FAM81B: variants seen among roughly 807,000 people sequenced by gnomAD.
The protein encoded by FAM81B is family with sequence similarity 81 member B.
FAM81B carries 60 observed loss-of-function variants against 58.7 expected under a neutral mutation model. That is an observed-to-expected ratio of 1.02 (90% CI 0.83 to 1.27). The LOEUF (loss-of-function observed/expected upper bound fraction) is 1.27, where lower values mean the gene tolerates loss of function less well. FAM81B is among the 50% of genes most tolerant of loss of function. The pLI is 0.00. For synonymous variants in FAM81B, 189 were observed against 179.6 expected, an observed-to-expected ratio of 1.05 and a Z score of -0.42; for missense variants, 491 against 522.0, an observed-to-expected ratio of 0.94 and a Z score of 0.58.
At chr5:95,424,024 T>C in intron 5 of FAM81B, 5 of 1,289,302 alleles carry the variant, frequency 3.9e-6, no homozygotes, top group Non-Finnish European at 5.1e-6. Context: ...GATGCAACCG[T>C]GTTCTTTATC....
rs1360582817 is a variant in FAM81B, at chr5:95,425,962, TCAA to T, written c.657-2637_657-2635del. Among the ~76,000 whole-genome samples, 40 of 151,302 alleles carry T rather than the reference TCAA, an allele frequency of 2.6e-4. 1 individual carries two copies. Among genetic ancestry groups the T allele is most frequent in the Admixed American group, 2.6e-3 (40 of 15,190 alleles). On this transcript the variant is annotated intron_variant, in intron 5 of 9. Transcript: ENST00000283357. ...TAGTGAAGAAATACATATCTGAAACTCAACAATTTCTTCATTTCTCACTACATT... is the reference window on the plus strand; with the variant it reads ...TAGTGAAGAAATACATATCTGAAACTCAATTTCTTCATTTCTCACTACATT...
At chr5:95,413,899 G>C (rs762786844) in intron 3 of FAM81B, 48 bp from the exon 4 acceptor site, 10 of 1,556,646 alleles carry the variant, frequency 6.4e-6, no homozygotes, top group Middle Eastern at 3.5e-4. Context: ...GGCTCCTCCA[G>C]CTCATTCTTG....
chr5:95,446,517 TTTAAA>T (rs758184478), intron 7 of FAM81B, 40 bp from the exon 8 acceptor site: 6 of 1,483,962 alleles, frequency 4.0e-6, no homozygotes, highest in Non-Finnish European at 3.6e-6. Context: ...ATTTTTTATG[TTTAAA>T]TTAACTTATT....
At chr5:95,426,956 G>A (rs933650919) in intron 5 of FAM81B, among the ~76,000 whole-genome samples, 1 of 152,200 alleles carries the variant, frequency 6.6e-6, no homozygotes, top group Non-Finnish European at 1.5e-5. Flanking sequence ...GGGTGAGGCA[G>A]GAGAATGGCG....
intron 5 of FAM81B, among the ~76,000 whole-genome samples, chr5:95,425,682 T>G (rs1249769659): frequency 6.6e-6 from 1 of 152,142 alleles, no homozygotes; most frequent in Non-Finnish European, 1.5e-5. Context: ...ACATATAAAG[T>G]GAACATTAAA....
intron 5 of FAM81B, among the ~76,000 whole-genome samples, chr5:95,424,908 G>A (rs1423362018): frequency 1.3e-5 from 2 of 152,050 alleles, no homozygotes; most frequent in African/African-American, 4.8e-5. Context: ...GAGATAGATA[G>A]ACTGGAATTG....
chr5:95,428,753 C>G, intron 6 of FAM81B, 21 bp downstream of exon 6: 1 of 1,613,426 alleles, frequency 6.2e-7, no homozygotes, highest in South Asian at 1.1e-5. Flanking sequence ...ATAGATGGGA[C>G]TCATATTACG....
intron 5 of FAM81B, among the ~76,000 whole-genome samples, chr5:95,425,762 AT>A (rs941312709): frequency 4.0e-4 from 60 of 151,768 alleles, no homozygotes; most frequent in African/African-American, 1.1e-3. Flanking sequence ...AAATTAGCAA[AT>A]TTTTTTTTAA....
rs1183831154 is a variant in FAM81B at position 95,448,258 on chromosome 5, C to A, written c.1030-11C>A. Reference sequence around the variant, plus strand: ...CATTTCTGAAGTTTTATCCCATAATCTCTTTTACAGGAAAAGTCTGAAAAT... The same window carrying A: ...CATTTCTGAAGTTTTATCCCATAATATCTTTTACAGGAAAAGTCTGAAAAT... On this transcript the variant is annotated splice_polypyrimidine_tract_variant and intron_variant, in intron 8 of 9. Transcript: ENST00000283357. 1 of 1,591,154 alleles carries A rather than the reference C, an allele frequency of 6.3e-7. No individual in the cohort carries two copies. Among genetic ancestry groups the A allele is most frequent in the South Asian group, 1.2e-5 (1 of 85,310 alleles).
chr5:95,434,342 C>T (rs771098062), intron 6 of FAM81B, among the ~76,000 whole-genome samples: 4 of 152,106 alleles, frequency 2.6e-5, no homozygotes, highest in Admixed American at 6.6e-5. Context: ...CTCCAGAGGC[C>T]GCCTACCTTC....
intron 6 of FAM81B, among the ~76,000 whole-genome samples, chr5:95,429,407 T>C (rs1744782134): frequency 6.6e-6 from 1 of 152,224 alleles, no homozygotes; most frequent in African/African-American, 2.4e-5. Flanking sequence ...TCACATCTTA[T>C]GCAAAACAAG....
At chr5:95,438,096 A>T (rs758734699) in intron 7 of FAM81B, among the ~76,000 whole-genome samples, 9 of 152,224 alleles carry the variant, frequency 5.9e-5, no homozygotes, top group Non-Finnish European at 1.3e-4. Flanking sequence ...TTGATTTTGG[A>T]GATGCTAAAA....
At chr5:95,445,562 C>A (rs1745524266) in intron 7 of FAM81B, among the ~76,000 whole-genome samples, 1 of 152,124 alleles carries the variant, frequency 6.6e-6, no homozygotes, top group Non-Finnish European at 1.5e-5. Flanking sequence ...TCTTAAAAAT[C>A]TTTCATTCTC....
chr5:95,435,651 T>C (rs1440438238), intron 6 of FAM81B, among the ~76,000 whole-genome samples: 2 of 152,214 alleles, frequency 1.3e-5, no homozygotes, highest in Non-Finnish European at 2.9e-5. Context: ...TTTTGCTCAA[T>C]ATATAAATAT....
At chr5:95,449,648 G>T (rs147203061) in intron 9 of FAM81B, among the ~76,000 whole-genome samples, 1 of 152,282 alleles carries the variant, frequency 6.6e-6, no homozygotes, top group East Asian at 1.9e-4. Context: ...AGGTTTGATA[G>T]GTCTGTGGTC....
chr5:95,431,906 T>C (rs1420110697), intron 6 of FAM81B, among the ~76,000 whole-genome samples: 1 of 151,646 alleles, frequency 6.6e-6, no homozygotes, highest in Non-Finnish European at 1.5e-5. Context: ...TTAGCTCATG[T>C]TTTTTCATTT....
chr5:95,415,361 T>G (rs1393031115), intron 4 of FAM81B, among the ~76,000 whole-genome samples: 1 of 152,198 alleles, frequency 6.6e-6, no homozygotes, highest in Non-Finnish European at 1.5e-5. Flanking sequence ...AACCAGCAAT[T>G]ACTCCTTTGT....
chr5:95,392,180 G>T (rs1302787421), intron 1 of FAM81B, among the ~76,000 whole-genome samples: 1 of 152,140 alleles, frequency 6.6e-6, no homozygotes, highest in Non-Finnish European at 1.5e-5. Context: ...CCATAAAAAA[G>T]GATGAGTTCA....
At chr5:95,419,010 C>T (rs1762610360) in intron 4 of FAM81B, among the ~76,000 whole-genome samples, 1 of 152,046 alleles carries the variant, frequency 6.6e-6, no homozygotes, top group Admixed American at 6.6e-5. Flanking sequence ...AGCTATATAC[C>T]TTTACTACAC....
Sources: gnomAD v4.1 joint callset for allele counts (sites outside exome capture counted in the v4.1 genomes callset) on GRCh38, gnomAD v4.1.1 for gene constraint, MANE v1.5 for transcripts, NCBI Gene and HGNC (gene_info 2026-07-23, HGNC 2026-07-21) for gene names.